The following PCDHA4 variants were observed in gnomAD, a reference collection of about 807,000 sequenced individuals.
PCDHA4 encodes the protein protocadherin alpha 4.
Under a neutral mutation model 61.4 loss-of-function variants are expected in PCDHA4, and 49 were observed. That is an observed-to-expected ratio of 0.80 (90% CI 0.63 to 1.01). PCDHA4 has a LOEUF of 1.01. Among genes scored for constraint, PCDHA4 ranks in the 50% least tolerant of loss-of-function variants. PCDHA4 has a pLI of 0.00. For missense variants in PCDHA4, 1,254 were observed against 1,235.8 expected (o/e 1.01, Z -0.22); for synonymous variants, 590 against 550.3 (o/e 1.07, Z -1.01).
chr5:140,868,706 CAA>C (rs1562618527), intron 1 of PCDHA4: 1 of 185,252 alleles, frequency 5.4e-6, no homozygotes, highest in Non-Finnish European at 1.1e-5. Flanking sequence ...AACATAGACA[CAA>C]TAATTTAAAT....
intron 1 of PCDHA4, chr5:140,877,334 C>G (rs375199455): frequency 3.1e-6 from 5 of 1,613,884 alleles, no homozygotes; most frequent in African/African-American, 1.3e-5. Flanking sequence ...GCGCACATCC[C>G]GTTCCACGTG....
intron 1 of PCDHA4, among the ~76,000 whole-genome samples, chr5:140,820,991 T>C (rs1172948656): frequency 6.6e-5 from 10 of 152,194 alleles, no homozygotes; most frequent in African/African-American, 2.4e-4. Context: ...GTGTTATAGA[T>C]AAAGAAATAG....
At position 140,832,887 on chromosome 5, in the gene PCDHA4, G is replaced by C. The variant is rs118038864; in HGVS notation, c.2385+23315G>C. Among the ~76,000 whole-genome samples, 50 of 152,256 alleles carry C rather than the reference G, an allele frequency of 3.3e-4. No homozygotes were observed. The East Asian group carries it at 9.3e-3, about 28-fold the overall frequency. Reference sequence around the variant, plus strand: ...TGTTTTACTGGTTATAAAATGGAAAGAGTTTTCCCTGGGAGAATATGGAGA... The same window carrying C: ...TGTTTTACTGGTTATAAAATGGAAACAGTTTTCCCTGGGAGAATATGGAGA... On this transcript the variant is annotated intron_variant, in intron 1 of 3. Coordinates refer to ENST00000530339, the MANE Select transcript of PCDHA4 (RefSeq NM_018907.4).
intron 1 of PCDHA4, chr5:140,884,812 G>A: frequency 9.0e-7 from 1 of 1,117,104 alleles, no homozygotes; most frequent in Non-Finnish European, 1.2e-6. Flanking sequence ...ACTCTGCTGT[G>A]GACATTATGT....
intron 1 of PCDHA4, chr5:140,863,768 G>C (rs2048166638): frequency 4.1e-6 from 1 of 242,260 alleles, no homozygotes; most frequent in African/African-American, 2.2e-5. Flanking sequence ...GGAAGCCGAG[G>C]CGGGCGGATC....
intron 1 of PCDHA4, among the ~76,000 whole-genome samples, chr5:140,874,119 G>C (rs1256177133): frequency 6.6e-6 from 1 of 152,064 alleles, no homozygotes; most frequent in Non-Finnish European, 1.5e-5. Flanking sequence ...ACGTTTTATA[G>C]TTTATTTAAG....
chr5:140,950,512 G>T (rs1239372084), intron 1 of PCDHA4, among the ~76,000 whole-genome samples: 11 of 152,016 alleles, frequency 7.2e-5, no homozygotes, highest in Non-Finnish European at 7.4e-5. Context: ...TATTCCCTGT[G>T]TGCGATATGA....
chr5:140,927,960 C>G, intron 1 of PCDHA4: 2 of 1,614,196 alleles, frequency 1.2e-6, no homozygotes, highest in Non-Finnish European at 1.7e-6. Flanking sequence ...CTGCCCCTGG[C>G]ACAGTGATTG....
At position 140,857,384 on chromosome 5, in the gene PCDHA4, G is replaced by A; in HGVS notation, c.2385+47812G>A. 7 of 1,598,500 alleles carry A rather than the reference G, an allele frequency of 4.4e-6. 1 individual carries two copies. The highest frequency in any genetic ancestry group is 2.7e-5 in the African/African-American group (2 of 74,484). On this transcript the variant is annotated intron_variant, in intron 1 of 3. Transcript: ENST00000530339. ...GGCCAGCGTGTCTGTGGAGGTGGCC[G>A]ACGTGAACGACAACGCGCCTGCGTT...
chr5:140,822,804 T>A (rs2150119466), intron 1 of PCDHA4: 1 of 1,614,204 alleles, frequency 6.2e-7, no homozygotes, highest in South Asian at 1.1e-5. Context: ...TGGATGTGAA[T>A]GATAATACCC....
At chr5:140,938,187 C>T (rs1584944424) in intron 1 of PCDHA4, among the ~76,000 whole-genome samples, 1 of 152,158 alleles carries the variant, frequency 6.6e-6, no homozygotes, top group Admixed American at 6.5e-5. Context: ...CTCAAGCAAT[C>T]CTCCCACGCC....
intron 3 of PCDHA4, among the ~76,000 whole-genome samples, chr5:140,993,190 CTCACTAAAGCTAATTTTTT>C (rs2097544277): frequency 6.6e-6 from 1 of 152,022 alleles, no homozygotes; most frequent in Non-Finnish European, 1.5e-5. Flanking sequence ...TAGAGGGAAA[CTCACTAAAGCTAATTTTTT>C]TAGCTTTTTG....
intron 1 of PCDHA4, among the ~76,000 whole-genome samples, chr5:140,952,541 T>G (rs1554220493): frequency 6.6e-6 from 1 of 152,140 alleles, no homozygotes; most frequent in African/African-American, 2.4e-5. Flanking sequence ...CTGGACTTCT[T>G]TGTCCATTTC....
Position 140,850,298 on chromosome 5 carries a change from G to C in PCDHA4, c.2385+40726G>C, listed in dbSNP as rs200693140. ...AGGTGCGCGCAGTGGACGCCGACTCGGGCTACAACGCGTGGCTTTCATACG... is the reference window on the plus strand; with the variant it reads ...AGGTGCGCGCAGTGGACGCCGACTCCGGCTACAACGCGTGGCTTTCATACG... On this transcript the variant is annotated intron_variant, in intron 1 of 3. Coordinates refer to ENST00000530339, the MANE Select transcript of PCDHA4 (RefSeq NM_018907.4). The C allele has an allele frequency of 4.2e-5, 67 of 1,596,354 alleles. 8 individuals are homozygous for C. Among genetic ancestry groups the C allele is most frequent in the Middle Eastern group, 3.9e-4 (2 of 5,190 alleles).
rs782214418 is a variant in PCDHA4 at position 140,809,161 on chromosome 5, G to T, written c.1974G>T (p.Ala658=). The T allele has an allele frequency of 1.9e-6, 3 of 1,613,834 alleles. No individual in the cohort carries two copies. The African/African-American group carries it at 4.0e-5, about 22-fold the overall frequency. Residue 658 remains alanine (A), a synonymous_variant, in exon 1 of 4, where the codon GCG becomes GCT. Coordinates refer to ENST00000530339, the MANE Select transcript of PCDHA4 (RefSeq NM_018907.4). ...TGGTGAAGGACCACGGCGAGCCCGC[G>T]CTGACGGCCACGGCCACTGTGCTGG... is the stretch of plus-strand genomic sequence containing the variant. ...LVLVKDHGEP[A]LTATATVLVS...
At chr5:141,003,668 A>G (rs1353003376) in intron 3 of PCDHA4, among the ~76,000 whole-genome samples, 1 of 152,196 alleles carries the variant, frequency 6.6e-6, no homozygotes, top group Non-Finnish European at 1.5e-5. Context: ...ATTAAAATAT[A>G]TGTTGTTCTG....
rs114871325 is a variant in PCDHA4, at chr5:140,841,052, T to C, written c.2385+31480T>C. 3.2e-3 allele frequency: 1,400 copies of C among 431,624 alleles called. 26 individuals carry two copies. The highest frequency in any genetic ancestry group is 0.026 in the African/African-American group (1,290 of 50,274). 26.7% of individuals were successfully genotyped at this position (431,624 alleles called of 1,614,324 possible). ...AATTGATAAAGTTAAGGATTTACTA[T>C]TAAATTATGATAAAGAAATAGAAAG... On this transcript the variant is annotated intron_variant, in intron 1 of 3. Transcript: ENST00000530339.
chr5:140,938,753 T>G (rs1381426227), intron 1 of PCDHA4, among the ~76,000 whole-genome samples: 3 of 152,170 alleles, frequency 2.0e-5, no homozygotes, highest in Admixed American at 1.3e-4. Flanking sequence ...TTTAAAGGCA[T>G]AGTTATTGGG....
chr5:140,848,541 C>T (rs2150412469), intron 1 of PCDHA4: 3 of 1,595,306 alleles, frequency 1.9e-6, no homozygotes, highest in African/African-American at 1.3e-5. Context: ...GCCTCTACTG[C>T]TCTCGCTTCT....
Sources: allele counts gnomAD v4.1 joint callset (sites outside exome capture counted in the v4.1 genomes callset), GRCh38; gene constraint gnomAD v4.1.1; transcripts MANE v1.5; gene names NCBI Gene and HGNC (gene_info 2026-07-23, HGNC 2026-07-21).